RTN4: variants seen among roughly 807,000 people sequenced by gnomAD.
RTN4 encodes reticulon 4.
RTN4 carries 32 observed loss-of-function variants against 90.4 expected under a neutral mutation model. The observed-to-expected ratio is 0.35, with a 90% CI of 0.27 to 0.48. The LOEUF (loss-of-function observed/expected upper bound fraction) is 0.48, where lower values mean the gene tolerates loss of function less well. Ranked by LOEUF, RTN4 falls within the 20% of genes least tolerant of loss-of-function variation. The probability of loss-of-function intolerance (pLI) is 0.99; values close to 1 mark genes in which losing one functional copy is unlikely to be tolerated. For synonymous variants in RTN4, 629 were observed against 552.5 expected, an observed-to-expected ratio of 1.14 and a Z score of -1.94; for missense variants, 1,706 against 1,430.2, an observed-to-expected ratio of 1.19 and a Z score of -3.11.
At chr2:55,103,225 C>T (rs1252232333) in intron 1 of RTN4, among the ~76,000 whole-genome samples, 1 of 151,068 alleles carries the variant, frequency 6.6e-6, no homozygotes. Context: ...AAACCAGAAA[C>T]AGAAAGATAC....
intron 3 of RTN4, among the ~76,000 whole-genome samples, chr2:54,992,812 G>T (rs966938320): frequency 6.6e-6 from 1 of 152,084 alleles, no homozygotes; most frequent in African/African-American, 2.4e-5. Context: ...GCTCACGCCT[G>T]TAATCTCAGC....
At chr2:55,051,054 C>T (rs1208397986), upstream of RTN4, among the ~76,000 whole-genome samples, 1 of 152,150 alleles carries the variant, frequency 6.6e-6, no homozygotes, top group Non-Finnish European at 1.5e-5. Context: ...ACTCAAAGTT[C>T]CAAACTACAT....
chr2:55,097,338 G>C (rs1667761299), intron 1 of RTN4, among the ~76,000 whole-genome samples: 1 of 151,030 alleles, frequency 6.6e-6, no homozygotes, highest in African/African-American at 2.4e-5. Context: ...CCTCAGTCCA[G>C]ACTCAGAATC....
Position 55,072,432 on chromosome 2 carries a change from C to T in RTN4, c.-63+8057G>A, listed in dbSNP as rs915073590. Reference sequence around the variant, plus strand: ...TTTTAGTAGAGATGGGGTTTCACTGCGTTAGCCAGGATGGTCTCGATCTCC... The same window carrying T: ...TTTTAGTAGAGATGGGGTTTCACTGTGTTAGCCAGGATGGTCTCGATCTCC... On this transcript the variant is annotated intron_variant, in intron 2 of 3. Coordinates refer to the RTN4 transcript ENST00000427710. 1.3e-4 allele frequency among the ~76,000 whole-genome samples: 20 copies of T among 152,018 alleles called. 1 individual carries two copies. The highest frequency in any genetic ancestry group is 1.0e-3 in the South Asian group (5 of 4,822).
chr2:55,130,594 T>C, the RTN4 span, among the ~76,000 whole-genome samples: 2 of 151,938 alleles, frequency 1.3e-5, no homozygotes, highest in African/African-American at 4.8e-5. Context: ...CTACGAAAAA[T>C]ACAAAAATTA....
intron 1 of RTN4, among the ~76,000 whole-genome samples, chr2:55,100,663 GTTTA>G (rs1182306167): frequency 6.6e-6 from 1 of 152,010 alleles, no homozygotes; most frequent in Non-Finnish European, 1.5e-5. Context: ...TTAAATCAAA[GTTTA>G]TTTAAAGCAA....
intron 3 of RTN4, among the ~76,000 whole-genome samples, chr2:55,019,382 T>C (rs972662035): frequency 1.3e-5 from 2 of 152,144 alleles, no homozygotes; most frequent in Non-Finnish European, 2.9e-5. Context: ...CTGCATGTGT[T>C]CAAGTGTCAC....
intron 1 of RTN4, among the ~76,000 whole-genome samples, chr2:55,082,041 CT>C (rs1668731053): frequency 6.6e-6 from 1 of 152,064 alleles, no homozygotes. Context: ...TAGATGGGTA[CT>C]TTACTTGGTA....
chr2:55,124,958 T>A, the RTN4 span, among the ~76,000 whole-genome samples: 37 of 152,160 alleles, frequency 2.4e-4, no homozygotes, highest in African/African-American at 1.7e-4. Flanking sequence ...AACCAAGCAA[T>A]GGGGAAAAGA....
chr2:55,010,768 T>G (rs1436310392), intron 3 of RTN4, among the ~76,000 whole-genome samples: 2 of 152,206 alleles, frequency 1.3e-5, no homozygotes, highest in African/African-American at 4.8e-5. Flanking sequence ...TTACTAATGT[T>G]TATTGAACAT....
At chr2:55,041,567 G>A (rs1281114087) in intron 1 of RTN4, among the ~76,000 whole-genome samples, 2 of 151,858 alleles carry the variant, frequency 1.3e-5, no homozygotes, top group Non-Finnish European at 2.9e-5. Context: ...CATACTACAA[G>A]AATATGACAA....
rs761189865 is a variant in RTN4, at chr2:54,974,715, C to A, written c.3410G>T (p.Gly1137Val). 6.2e-7 allele frequency: 1 copy of A among 1,613,854 alleles called. No individual in the cohort carries two copies. Among genetic ancestry groups the A allele is most frequent in the Non-Finnish European group, 8.5e-7 (1 of 1,179,738 alleles). The change falls in exon 6 of 9, where the codon GGT becomes GTT. Residue 1137 changes from glycine (G) to valine (V), a missense_variant. Coordinates refer to ENST00000337526, the MANE Select transcript of RTN4 (RefSeq NM_020532.5). ...CTTACCCAAAATCAGTAGTGTCAGA[C>A]CATTAAACAAGGCACCAACATAGGT... is the stretch of plus-strand genomic sequence containing the variant. ...VFTYVGALFN[G>V]LTLLILALIS...
At chr2:55,121,581 T>C in the RTN4 span, among the ~76,000 whole-genome samples, 1 of 152,258 alleles carries the variant, frequency 6.6e-6, no homozygotes, top group Admixed American at 6.5e-5. Flanking sequence ...TCTATCAAAG[T>C]ATCCAGAATT....
Position 55,016,534 on chromosome 2 carries a change from G to C in RTN4, c.3013+8552C>G, listed in dbSNP as rs186373627. ...GGAGGCAGAGGTTGCAGTGAGTGGA[G>C]ATCCCGCCACTGCTACTCCAGCCTG... is the stretch of plus-strand genomic sequence containing the variant. On this transcript the variant is annotated intron_variant, in intron 3 of 8. Coordinates refer to ENST00000337526, the MANE Select transcript of RTN4 (RefSeq NM_020532.5). 2.6e-5 allele frequency among the ~76,000 whole-genome samples: 4 copies of C among 152,290 alleles called. No homozygotes were observed. In the East Asian group the frequency reaches 7.7e-4, roughly 29 times the overall value.
intron 2 of RTN4, among the ~76,000 whole-genome samples, chr2:55,074,554 G>T (rs1668570069): frequency 6.7e-6 from 1 of 149,280 alleles, no homozygotes; most frequent in Admixed American, 6.7e-5. Flanking sequence ...TGGAGAAAGA[G>T]GGAATCCTCC....
intron 1 of RTN4, among the ~76,000 whole-genome samples, chr2:55,098,151 T>C (rs1012988362): frequency 6.6e-6 from 1 of 152,212 alleles, no homozygotes; most frequent in Non-Finnish European, 1.5e-5. Flanking sequence ...TGTTGTCCCA[T>C]TTTCTTTTTC....
chr2:55,067,199 G>T (rs1040582753), intron 2 of RTN4, among the ~76,000 whole-genome samples: 1 of 152,088 alleles, frequency 6.6e-6, no homozygotes, highest in Non-Finnish European at 1.5e-5. Flanking sequence ...GCTGCTTGAT[G>T]ATTGCTCTGA....
At chr2:55,046,624 T>C (rs866331837) in intron 1 of RTN4, among the ~76,000 whole-genome samples, 38 of 152,246 alleles carry the variant, frequency 2.5e-4, no homozygotes, top group Non-Finnish European at 3.7e-4. Flanking sequence ...GCTTATTATC[T>C]GTACTCTCCC....
At chr2:55,021,221 T>G (rs2902649) in intron 3 of RTN4, among the ~76,000 whole-genome samples, 75,337 of 151,796 alleles carry the variant, frequency 0.5, 18,923 homozygotes, top group South Asian at 0.57. Context: ...TTTGGTACAT[T>G]TGACTTCAGT....
Sources: allele counts gnomAD v4.1 joint callset (sites outside exome capture counted in the v4.1 genomes callset), GRCh38; gene constraint gnomAD v4.1.1; transcripts MANE v1.5; gene names NCBI Gene and HGNC (gene_info 2026-07-23, HGNC 2026-07-21).